The following XRN1 variants were observed in gnomAD, a reference collection of about 807,000 sequenced individuals.
XRN1 encodes strand-exchange protein 1 homolog.
In XRN1, 67 loss-of-function variants were observed where a neutral mutation model predicts 222.3. The ratio of observed to expected loss-of-function variants is 0.30; its 90% CI spans 0.25 to 0.37. The LOEUF (loss-of-function observed/expected upper bound fraction) is 0.37, where lower values mean the gene tolerates loss of function less well. Among genes scored for constraint, XRN1 ranks in the 10% least tolerant of loss-of-function variants. The pLI is 1.00. For missense variants in XRN1, 1,707 were observed against 2,000.2 expected (o/e 0.85, Z 2.80); for synonymous variants, 643 against 652.4 (o/e 0.99, Z 0.22).
chr3:142,365,282 A>T, intron 28 of XRN1, 28 bp downstream of exon 28: 1 of 1,587,182 alleles, frequency 6.3e-7, no homozygotes, highest in Non-Finnish European at 8.6e-7. Context: ...GAAAGCAACA[A>T]CTCTGAATTC....
intron 37 of XRN1, among the ~76,000 whole-genome samples, chr3:142,322,990 G>A (rs1275544353): frequency 2.0e-5 from 3 of 152,092 alleles, no homozygotes; most frequent in Admixed American, 1.3e-4. Flanking sequence ...GTGACAGAGC[G>A]AGACTCTGTC....
rs1165991605 is a variant in XRN1 at position 142,432,770 on chromosome 3, A to G, written c.199T>C (p.Tyr67His). 1.2e-6 allele frequency: 2 copies of G among 1,613,886 alleles called. No individual in the cohort carries two copies. The highest frequency in any genetic ancestry group is 1.1e-5 in the South Asian group (1 of 91,060). Residue 67 changes from tyrosine to histidine, a missense_variant, in exon 2 of 41, where the codon TAC becomes CAC. Coordinates refer to ENST00000392981, the MANE Select transcript of XRN1 (RefSeq NM_001282857.2). ...DDKIFTDIFH[Y>H]LEVLFRIIKP... is the part of the protein sequence containing the mutation. ...ATAATGCGAAACAACACCTCCAGGT[A>G]GTGAAAAATATCAGTAAAGATTTTA...
At chr3:142,368,101 T>C (rs1425939524) in intron 27 of XRN1, among the ~76,000 whole-genome samples, 1 of 150,478 alleles carries the variant, frequency 6.6e-6, no homozygotes, top group African/African-American at 2.4e-5. Context: ...TGTTTATATA[T>C]AAATATGTAT....
intron 12 of XRN1, 41 bp downstream of exon 12, chr3:142,418,463 A>AT: frequency 6.7e-7 from 1 of 1,482,428 alleles, no homozygotes; most frequent in Non-Finnish European, 9.2e-7. Flanking sequence ...GCAAAATCTA[A>AT]TTTTTTCTAT....
intron 33 of XRN1, among the ~76,000 whole-genome samples, chr3:142,341,351 C>T (rs2065988933): frequency 6.6e-6 from 1 of 151,706 alleles, no homozygotes; most frequent in Non-Finnish European, 1.5e-5. Flanking sequence ...ATCACCTTCA[C>T]TAAAAGGAAG....
In XRN1 at chr3:142,432,697, C is replaced by A; in HGVS notation, c.272G>T (p.Arg91Leu). Reference protein sequence around the residue: ...FFMAVDGVAPRAKMNQQRGRR... With the variant: ...FFMAVDGVAPLAKMNQQRGRR... ...CCCACGCTGCTGGTTCATTTTTGCTCGAGGAGCCACACCATCTACAGCCAT... is the reference window on the plus strand; with the variant it reads ...CCCACGCTGCTGGTTCATTTTTGCTAGAGGAGCCACACCATCTACAGCCAT... Residue 91 changes from arginine (R) to leucine (L), a missense_variant, in exon 2 of 41, where the codon CGA becomes CTA. Physicochemically the swap from Arg to Leu is moderately radical, Grantham distance 102. Coordinates refer to ENST00000392981, the MANE Select transcript of XRN1 (RefSeq NM_001282857.2). The A allele has an allele frequency of 6.2e-7, 1 of 1,610,046 alleles. No individual in the cohort carries two copies. The highest frequency in any genetic ancestry group is 8.5e-7 in the Non-Finnish European group (1 of 1,177,852).
At chr3:142,331,311 C>T (rs2065690528) in intron 36 of XRN1, among the ~76,000 whole-genome samples, 1 of 152,136 alleles carries the variant, frequency 6.6e-6, no homozygotes. Flanking sequence ...CGGATATTTA[C>T]TGAAATCCAG....
At chr3:142,347,787 G>A (rs996427073) in intron 32 of XRN1, among the ~76,000 whole-genome samples, 1 of 151,324 alleles carries the variant, frequency 6.6e-6, no homozygotes, top group Non-Finnish European at 1.5e-5. Context: ...CAGTAGAGAC[G>A]GGGTTTCACC....
chr3:142,447,827 C>G lies in XRN1; in HGVS notation c.75+43G>C. The G allele has an allele frequency of 1.2e-6, 2 of 1,608,060 alleles. No individual in the cohort carries two copies. Among genetic ancestry groups the G allele is most frequent in the South Asian group, 2.2e-5 (2 of 90,832 alleles). ...CTAAGGTGGAGAGGGCCGCGGAGCC[C>G]CGGGTCCTCGGCTTTCTGAGCCGTT... On this transcript the variant is annotated intron_variant, in intron 1 of 40. Coordinates refer to ENST00000392981, the MANE Select transcript of XRN1 (RefSeq NM_001282857.2). This position sits in a 1 kb window ranked among gnomAD's most constrained non-coding sequence, Gnocchi z 4.2.
Position 142,332,389 on chromosome 3 carries a change from T to G in XRN1, c.4208A>C (p.Gln1403Pro), listed in dbSNP as rs773244443. The stretch of plus-strand genomic sequence containing the variant: ...AGTTTACTTACCTAATTTCTTATTT[T>G]GTTTAGGCTGAGAGGGTAATCCATA... ...DEYGLPSQPK[Q>P]NKKLASYMNK... The change falls in exon 36 of 41, where the codon CAA becomes CCA. Residue 1403 changes from glutamine to proline, a missense_variant. Coordinates refer to ENST00000392981, the MANE Select transcript of XRN1 (RefSeq NM_001282857.2). 2.4e-5 allele frequency: 38 copies of G among 1,596,540 alleles called. No individual in the cohort carries two copies. In the South Asian group the frequency reaches 4.0e-4, roughly 17 times the overall value.
chr3:142,347,873 C>T (rs912145130), intron 32 of XRN1, among the ~76,000 whole-genome samples: 1 of 152,094 alleles, frequency 6.6e-6, no homozygotes, highest in Non-Finnish European at 1.5e-5. Flanking sequence ...CCTTGGATTA[C>T]AGGCATGAGC....
At chr3:142,368,958 G>C (rs1439778581) in intron 27 of XRN1, among the ~76,000 whole-genome samples, 1 of 152,130 alleles carries the variant, frequency 6.6e-6, no homozygotes, top group Non-Finnish European at 1.5e-5. Flanking sequence ...CTCTGAGGCA[G>C]GTACTATTTT....
At chr3:142,357,430 AT>A (rs996680124) in intron 30 of XRN1, among the ~76,000 whole-genome samples, 248 of 128,682 alleles carry the variant, frequency 1.9e-3, no homozygotes, top group African/African-American at 5.1e-3. Context: ...TTATGAATTA[AT>A]TTTTTTTTTT....
chr3:142,376,173 T>C, intron 24 of XRN1: 1 of 742,402 alleles, frequency 1.3e-6, no homozygotes, highest in Non-Finnish European at 2.0e-6. Flanking sequence ...TGTAAATAAA[T>C]TATGTAATTA....
intron 9 of XRN1, 103 bp from the exon 10 acceptor site, chr3:142,421,256 G>C (rs1403271501): frequency 1.7e-6 from 2 of 1,167,880 alleles, no homozygotes; most frequent in Non-Finnish European, 2.3e-6. Flanking sequence ...TAGGAAATTG[G>C]AGAATGTTAC....
chr3:142,345,457 C>T (rs1399916712), intron 33 of XRN1, among the ~76,000 whole-genome samples: 1 of 152,154 alleles, frequency 6.6e-6, no homozygotes, highest in Non-Finnish European at 1.5e-5. Flanking sequence ...GAAGAAAACA[C>T]ACTGTAACTC....
At chr3:142,436,877 C>T (rs528097701) in intron 1 of XRN1, among the ~76,000 whole-genome samples, 1 of 152,172 alleles carries the variant, frequency 6.6e-6, no homozygotes, top group East Asian at 1.9e-4. Context: ...AGGGGTCAAC[C>T]ATGGATGATG....
chr3:142,391,983 T>C (rs1165128371), intron 20 of XRN1, among the ~76,000 whole-genome samples: 2 of 152,076 alleles, frequency 1.3e-5, no homozygotes, highest in East Asian at 3.9e-4. Context: ...TGATGTCCTA[T>C]AAAGTACTTC....
intron 2 of XRN1, among the ~76,000 whole-genome samples, chr3:142,427,719 A>G (rs2069318357): frequency 6.6e-6 from 1 of 152,204 alleles, no homozygotes; most frequent in Admixed American, 6.5e-5. Context: ...AAAGAACCTG[A>G]GTTTTACAGT....
Sources: allele counts gnomAD v4.1 joint callset (sites outside exome capture counted in the v4.1 genomes callset), GRCh38; gene constraint gnomAD v4.1.1; non-coding constraint Gnocchi (gnomAD v3.1); transcripts MANE v1.5; gene names NCBI Gene and HGNC (gene_info 2026-07-23, HGNC 2026-07-21).